SLC35F1: variants seen among roughly 807,000 people sequenced by gnomAD.
The protein encoded by SLC35F1 is solute carrier family 35 member F1.
SLC35F1 carries 14 observed loss-of-function variants against 48.7 expected under a neutral mutation model. The observed-to-expected ratio is 0.29, with a 90% CI of 0.19 to 0.45. The LOEUF (loss-of-function observed/expected upper bound fraction) is 0.45, where lower values mean the gene tolerates loss of function less well. Among genes scored for constraint, SLC35F1 ranks in the 20% least tolerant of loss-of-function variants. The pLI, the probability that SLC35F1 is intolerant of heterozygous loss-of-function variation, is 1.00. For missense variants in SLC35F1, 404 were observed against 500.0 expected (o/e 0.81, Z 1.83); for synonymous variants, 190 against 202.2 (o/e 0.94, Z 0.51).
intron 1 of SLC35F1, among the ~76,000 whole-genome samples, chr6:117,931,845 TA>T (rs2114812655): frequency 1.3e-5 from 2 of 152,320 alleles, no homozygotes; most frequent in African/African-American, 4.8e-5. Context: ...AATCTATGGA[TA>T]AAGAGTTACC....
chr6:118,197,577 A>T (rs1774819005), intron 2 of SLC35F1, among the ~76,000 whole-genome samples: 1 of 152,228 alleles, frequency 6.6e-6, no homozygotes, highest in Non-Finnish European at 1.5e-5. Context: ...TCAGGAAAAT[A>T]TAGAACTCTG....
chr6:118,105,616 A>G lies in SLC35F1; in HGVS notation c.174-48829A>G, dbSNP rs573534888. ...TTTTAATAGCATCCTTATCTATTGC[A>G]GATTCCAAGGTTTCTTTTCTAATGG... On this transcript the variant is annotated intron_variant, in intron 1 of 7. Coordinates refer to ENST00000360388, the MANE Select transcript of SLC35F1 (RefSeq NM_001029858.4). Among the ~76,000 whole-genome samples the G allele has an allele frequency of 2.6e-5, 4 of 152,328 alleles. No individual in the cohort carries two copies. The South Asian group carries it at 6.2e-4, about 24-fold the overall frequency.
intron 2 of SLC35F1, among the ~76,000 whole-genome samples, chr6:118,204,904 C>G (rs1774914865): frequency 2.0e-5 from 3 of 152,104 alleles, no homozygotes; most frequent in Admixed American, 2.0e-4. Flanking sequence ...CCTTGCGTGC[C>G]AAGAAAAATG....
rs572895048 is a variant in SLC35F1, at chr6:118,244,725, G to A, written c.477+9089G>A. Among the ~76,000 whole-genome samples the A allele has an allele frequency of 1.3e-3, 201 of 152,258 alleles. 1 individual carries two copies. Among genetic ancestry groups the A allele is most frequent in the Non-Finnish European group, 2.3e-3 (154 of 68,004 alleles). On this transcript the variant is annotated intron_variant, in intron 3 of 7. Coordinates refer to ENST00000360388, the MANE Select transcript of SLC35F1 (RefSeq NM_001029858.4). ...TTTATTTGTATATTTTCTCTTTCAA[G>A]TTTGTAAAAATCTTTGAAAGTGGGA... is the stretch of plus-strand genomic sequence containing the variant.
At chr6:117,974,271 A>G (rs890294387) in intron 1 of SLC35F1, among the ~76,000 whole-genome samples, 1 of 152,214 alleles carries the variant, frequency 6.6e-6, no homozygotes, top group African/African-American at 2.4e-5. Flanking sequence ...CAGGGCATAT[A>G]TGGTTTTAGT....
At chr6:118,113,358 A>T (rs1424571786) in intron 1 of SLC35F1, among the ~76,000 whole-genome samples, 1 of 152,124 alleles carries the variant, frequency 6.6e-6, no homozygotes, top group Non-Finnish European at 1.5e-5. Flanking sequence ...AAGTGCTGGG[A>T]TTACAGGTGC....
At chr6:118,026,944 A>G (rs774896817) in intron 1 of SLC35F1, among the ~76,000 whole-genome samples, 4 of 152,114 alleles carry the variant, frequency 2.6e-5, no homozygotes, top group Non-Finnish European at 5.9e-5. Flanking sequence ...TGTCTCTCCA[A>G]AAAGTTTTCT....
intron 1 of SLC35F1, among the ~76,000 whole-genome samples, chr6:117,932,251 C>T (rs758468606): frequency 4.7e-4 from 72 of 152,304 alleles, no homozygotes; most frequent in Non-Finnish European, 7.9e-4. Context: ...GTGAGAAATA[C>T]ATTTCTACTA....
chr6:118,052,187 AC>A (rs1373843474), intron 1 of SLC35F1, among the ~76,000 whole-genome samples: 2 of 151,870 alleles, frequency 1.3e-5, no homozygotes, highest in Non-Finnish European at 2.9e-5. Context: ...CCCCTTCCCA[AC>A]CCCTCCTTGC....
intron 1 of SLC35F1, among the ~76,000 whole-genome samples, chr6:118,111,440 G>C (rs1451020806): frequency 3.9e-5 from 6 of 152,032 alleles, no homozygotes; most frequent in Admixed American, 2.6e-4. Context: ...ATAGAGGGAA[G>C]TATTTAAAAG....
At chr6:118,046,102 T>C (rs1223438929) in intron 1 of SLC35F1, among the ~76,000 whole-genome samples, 1 of 152,204 alleles carries the variant, frequency 6.6e-6, no homozygotes, top group Non-Finnish European at 1.5e-5. Flanking sequence ...CCTAAAATAA[T>C]GCAAGGATCT....
intron 7 of SLC35F1, among the ~76,000 whole-genome samples, chr6:118,296,833 C>T (rs1776192566): frequency 6.6e-6 from 1 of 152,232 alleles, no homozygotes; most frequent in African/African-American, 2.4e-5. Flanking sequence ...AATGAACAGC[C>T]TGGCCGTTCA....
At chr6:118,041,617 T>C (rs1046925174) in intron 1 of SLC35F1, among the ~76,000 whole-genome samples, 4 of 152,256 alleles carry the variant, frequency 2.6e-5, no homozygotes, top group African/African-American at 7.2e-5. Flanking sequence ...AAAGCAGGTT[T>C]TCTAATCAAG....
chr6:118,079,648 C>T (rs1162943828), intron 1 of SLC35F1, among the ~76,000 whole-genome samples: 1 of 152,150 alleles, frequency 6.6e-6, no homozygotes, highest in Non-Finnish European at 1.5e-5. Flanking sequence ...TGAGGCTGCC[C>T]TCAAATATGC....
chr6:118,059,282 C>A (rs1772504167), intron 1 of SLC35F1, among the ~76,000 whole-genome samples: 1 of 152,156 alleles, frequency 6.6e-6, no homozygotes, highest in Admixed American at 6.5e-5. Context: ...CACTGTAACC[C>A]ACTTCATGCC....
At chr6:118,308,441 T>A (rs1776336993) in intron 7 of SLC35F1, among the ~76,000 whole-genome samples, 1 of 152,136 alleles carries the variant, frequency 6.6e-6, no homozygotes, top group East Asian at 1.9e-4. Context: ...ACATGGAAAT[T>A]CTCCCTACTA....
Position 117,923,750 on chromosome 6 carries a change from C to CACATGT in SLC35F1, c.173+15852_173+15853insCATGTA, listed in dbSNP as rs1215295727. Among the ~76,000 whole-genome samples, 3 of 62,490 alleles carry CACATGT rather than the reference C, an allele frequency of 4.8e-5. 1 individual carries two copies. The highest frequency in any genetic ancestry group is 6.8e-5 in the Non-Finnish European group (2 of 29,620). 41.0% of individuals were successfully genotyped at this position (62,490 alleles called of 152,430 possible). On this transcript the variant is annotated intron_variant, in intron 1 of 7. Coordinates refer to ENST00000360388, the MANE Select transcript of SLC35F1 (RefSeq NM_001029858.4). ...ACATATGTATATATACATATATGTA[C>CACATGT]ATATATACATATGCACATACATATG...
chr6:117,976,476 T>A (rs1411944707), intron 1 of SLC35F1, among the ~76,000 whole-genome samples: 2 of 151,914 alleles, frequency 1.3e-5, no homozygotes, highest in Non-Finnish European at 2.9e-5. Flanking sequence ...AAGATTTTGT[T>A]CTTTGTTCAG....
At chr6:118,002,754 A>T (rs1030079828) in intron 1 of SLC35F1, among the ~76,000 whole-genome samples, 9 of 151,898 alleles carry the variant, frequency 5.9e-5, no homozygotes, top group African/African-American at 1.7e-4. Context: ...TAACCTTTTT[A>T]ATGATATGAG....
Sources: allele counts gnomAD v4.1 joint callset (sites outside exome capture counted in the v4.1 genomes callset), GRCh38; gene constraint gnomAD v4.1.1; transcripts MANE v1.5; gene names NCBI Gene and HGNC (gene_info 2026-07-23, HGNC 2026-07-21).